Variants in USP54 observed in about 807,000 individuals in gnomAD.
USP54 encodes ubiquitin carboxyl-terminal hydrolase 54.
Under a neutral mutation model 170.5 loss-of-function variants are expected in USP54, and 87 were observed. That is an observed-to-expected ratio of 0.51 (90% confidence interval 0.43 to 0.61). The LOEUF (loss-of-function observed/expected upper bound fraction) is 0.61, where lower values mean the gene tolerates loss of function less well. USP54 is among the 20% of genes least tolerant of loss of function. USP54 has a pLI of 0.00. For synonymous variants in USP54, 655 were observed against 742.8 expected (o/e 0.88, Z 1.92); for missense variants, 1,786 against 2,047.8 (o/e 0.87, Z 2.47).
intron 1 of USP54, among the ~76,000 whole-genome samples, chr10:73,608,817 A>C (rs1030668963): frequency 2.6e-5 from 4 of 152,164 alleles, no homozygotes; most frequent in Non-Finnish European, 5.9e-5. Context: ...GGATCACTTG[A>C]ACCTGGGAGG....
intron 7 of USP54, among the ~76,000 whole-genome samples, chr10:73,542,348 C>T (rs1370684734): frequency 2.6e-5 from 4 of 152,134 alleles, no homozygotes; most frequent in African/African-American, 7.2e-5. Flanking sequence ...GATCCGCCCA[C>T]CTGGGCCTCC....
At chr10:73,587,003 T>C (rs2077565149) in intron 1 of USP54, among the ~76,000 whole-genome samples, 1 of 152,168 alleles carries the variant, frequency 6.6e-6, no homozygotes, top group Non-Finnish European at 1.5e-5. Context: ...TGTTAAAAAG[T>C]AGTTGGAAAG....
chr10:73,550,302 T>A (rs2068957710), intron 4 of USP54, among the ~76,000 whole-genome samples: 1 of 152,198 alleles, frequency 6.6e-6, no homozygotes, highest in Non-Finnish European at 1.5e-5. Context: ...ATCTCTGCAC[T>A]TGAGTTCTAT....
rs769625940 is a variant in USP54, at chr10:73,541,686, A to G, written c.625T>C (p.Phe209Leu). 6.2e-7 allele frequency: 1 copy of G among 1,614,144 alleles called. No individual in the cohort carries two copies. The highest frequency in any genetic ancestry group is 1.1e-5 in the South Asian group (1 of 91,078). ...ERREKPSPSM[F>L]GELLQNASTM... Reference sequence around the variant, plus strand: ...CTGGCATTCTGCAGCAGCTCACCAAACATGCTTGGTGAAGGTTTCTCTCGT... The same window carrying G: ...CTGGCATTCTGCAGCAGCTCACCAAGCATGCTTGGTGAAGGTTTCTCTCGT... The change falls in exon 8 of 24, where the codon TTT (phenylalanine) becomes CTT (leucine). Residue 209 changes from phenylalanine to leucine, a missense_variant. Transcript: ENST00000687698.
Position 73,561,807 on chromosome 10 carries a change from A to G in USP54, c.240+9614T>C, listed in dbSNP as rs79582832. On this transcript the variant is annotated intron_variant, in intron 4 of 23. Transcript: ENST00000687698. The stretch of plus-strand genomic sequence containing the variant: ...ATTCCAGGGTATTCTTAGGTTTAAA[A>G]ACAAATGAAGTAGGAAGATACTACA... Among the ~76,000 whole-genome samples, 728 of 152,336 alleles carry G rather than the reference A, an allele frequency of 4.8e-3. 1 individual carries two copies. The highest frequency in any genetic ancestry group is 8.4e-3 in the Non-Finnish European group (572 of 68,026).
At chr10:73,507,598 C>T (rs1174889353) in intron 20 of USP54, among the ~76,000 whole-genome samples, 4 of 141,732 alleles carry the variant, frequency 2.8e-5, no homozygotes, top group Admixed American at 7.4e-5. Context: ...CGCTTGAACC[C>T]GGGAGGCAGA....
In USP54 at chr10:73,498,337, G is replaced by GT; in HGVS notation, c.*291_*292insA. On this transcript the variant is annotated 3_prime_UTR_variant, in exon 24 of 24. Transcript: ENST00000687698. ...TATTGCCAAGCTGGAGTGCAGTGGTGCGATCTCGGCTCACTGCAACCTCTG... is the reference window on the plus strand; with the variant it reads ...TATTGCCAAGCTGGAGTGCAGTGGTGTCGATCTCGGCTCACTGCAACCTCTG... 1 of 197,802 alleles carries GT rather than the reference G, an allele frequency of 5.1e-6. No individual in the cohort carries two copies. Among genetic ancestry groups the GT allele is most frequent in the Admixed American group, 5.3e-5 (1 of 19,046 alleles). The allele number at this position is 197,802 out of a possible 1,614,324, so 12.3% of individuals were successfully genotyped here.
intron 1 of USP54, among the ~76,000 whole-genome samples, chr10:73,610,970 T>C (rs1412863875): frequency 6.6e-6 from 1 of 152,172 alleles, no homozygotes; most frequent in African/African-American, 2.4e-5. Context: ...AGCTATGTAA[T>C]GAATATAACA....
intron 15 of USP54, 113 bp downstream of exon 15, chr10:73,529,567 G>T: frequency 8.5e-7 from 1 of 1,173,514 alleles, no homozygotes. Context: ...AGAGCACATA[G>T]AGATAATAGC....
chr10:73,570,376 G>C (rs1381343606), intron 4 of USP54, among the ~76,000 whole-genome samples: 1 of 148,768 alleles, frequency 6.7e-6, no homozygotes, highest in Admixed American at 6.7e-5. Context: ...ATTTTATTCA[G>C]AAATGAAAAA....
intron 4 of USP54, among the ~76,000 whole-genome samples, chr10:73,549,534 C>T (rs1590269434): frequency 1.3e-5 from 2 of 152,164 alleles, no homozygotes; most frequent in Admixed American, 6.6e-5. Flanking sequence ...AGGTCGAAAA[C>T]CTTGGAAACC....
chr10:73,559,149 A>G (rs1408511769), intron 4 of USP54, among the ~76,000 whole-genome samples: 2 of 152,186 alleles, frequency 1.3e-5, no homozygotes, highest in Non-Finnish European at 2.9e-5. Flanking sequence ...AACCAGGCAT[A>G]GTTGCTCATG....
chr10:73,562,124 G>A (rs7068363), intron 4 of USP54, among the ~76,000 whole-genome samples: 7,568 of 151,632 alleles, frequency 0.05, 578 homozygotes, highest in African/African-American at 0.17. Flanking sequence ...GAGAGAGAGA[G>A]AAAAAAATTA....
At position 73,523,624 on chromosome 10, in the gene USP54, T is replaced by G; in HGVS notation, c.2321A>C (p.His774Pro). 6.2e-7 allele frequency: 1 copy of G among 1,612,216 alleles called. No individual in the cohort carries two copies. Among genetic ancestry groups the G allele is most frequent in the Non-Finnish European group, 8.5e-7 (1 of 1,178,630 alleles). The part of the protein sequence containing the change: ...ELEAAKGFNP[H>P]PSRFMDLDEL... ...ATCCAAGTCCATGAAGCGGCTAGGA[T>G]GAGGGTTAAACCCTTTCGCTGCCTC... The change falls in exon 17 of 24, where the codon CAT becomes CCT. Residue 774 changes from histidine to proline, a missense_variant. Around this residue, in one of 3 missense-constraint regions of USP54, gnomAD observed 1,418 missense variants for 1,569.0 expected, o/e 0.90. Coordinates refer to ENST00000687698, the MANE Select transcript of USP54 (RefSeq NM_001391956.1).
At chr10:73,554,659 T>C (rs866463728) in intron 4 of USP54, among the ~76,000 whole-genome samples, 19 of 152,238 alleles carry the variant, frequency 1.2e-4, no homozygotes, top group African/African-American at 4.6e-4. Flanking sequence ...CAACTCCCTT[T>C]ATTTATCATT....
chr10:73,553,950 A>G (rs896717723), intron 4 of USP54, among the ~76,000 whole-genome samples: 1 of 152,230 alleles, frequency 6.6e-6, no homozygotes, highest in Non-Finnish European at 1.5e-5. Flanking sequence ...TATCCACATG[A>G]GCACATAATT....
rs181966157 is a variant in USP54 at position 73,534,463 on chromosome 10, T to C, written c.1315+137A>G. On this transcript the variant is annotated intron_variant, in intron 12 of 23. Coordinates refer to ENST00000687698, the MANE Select transcript of USP54 (RefSeq NM_001391956.1). ...TCCTTACCTCATGATCCACCCACCT[T>C]GGCCGCCCGCCTCGGCCTCCCAAAG... is the stretch of plus-strand genomic sequence containing the variant. 1,100 of 910,496 alleles carry C rather than the reference T, an allele frequency of 1.2e-3. 10 individuals are homozygous for C. The African/African-American group carries it at 0.014, about 11-fold the overall frequency. 56.4% of individuals were successfully genotyped at this position (910,496 alleles called of 1,614,324 possible).
At chr10:73,518,473 C>T (rs1375074148) in intron 19 of USP54, among the ~76,000 whole-genome samples, 1 of 152,016 alleles carries the variant, frequency 6.6e-6, no homozygotes, top group Non-Finnish European at 1.5e-5. Flanking sequence ...AATAAAGCCT[C>T]GATCACTCAC....
intron 4 of USP54, among the ~76,000 whole-genome samples, chr10:73,549,638 T>G (rs1007904058): frequency 1.3e-5 from 2 of 151,938 alleles, no homozygotes; most frequent in Non-Finnish European, 1.5e-5. Flanking sequence ...CCTATTCCAC[T>G]CTCAAATATA....
Sources: allele counts gnomAD v4.1 joint callset (sites outside exome capture counted in the v4.1 genomes callset), GRCh38; gene constraint gnomAD v4.1.1; regional missense constraint gnomAD v4.1.1; transcripts MANE v1.5; gene names NCBI Gene and HGNC (gene_info 2026-07-23, HGNC 2026-07-21).